Variants in NTM observed in about 807,000 individuals in gnomAD.
The protein encoded by NTM is IgLON family member 2.
NTM carries 13 observed loss-of-function variants against 42.1 expected under a neutral mutation model. The ratio of observed to expected loss-of-function variants is 0.31; its 90% CI spans 0.20 to 0.49. The LOEUF is 0.49. NTM is among the 20% of genes least tolerant of loss of function. The pLI is 0.99. For synonymous variants in NTM, 187 were observed against 179.2 expected (o/e 1.04, Z -0.35); for missense variants, 373 against 452.8 (o/e 0.82, Z 1.60).
At chr11:132,256,452 C>A (rs1202241361) in intron 4 of NTM, among the ~76,000 whole-genome samples, 1 of 152,176 alleles carries the variant, frequency 6.6e-6, no homozygotes, top group African/African-American at 2.4e-5. Context: ...GCAATGGATA[C>A]ACTTTCCTCT....
In NTM at chr11:131,889,797, A is replaced by G. The variant is rs1592599121; in HGVS notation, c.83-21767A>G. ...AGGAAAGTACAGGAACCCAAGAGGC[A>G]TGGAGCACTGTAGCGCCCCTCTTTT... On this transcript the variant is annotated intron_variant, in intron 1 of 8. Transcript: ENST00000683400. Among the ~76,000 whole-genome samples, 4 of 152,278 alleles carry G rather than the reference A, an allele frequency of 2.6e-5. No individual in the cohort carries two copies. The South Asian group carries it at 8.3e-4, about 32-fold the overall frequency.
chr11:132,088,255 C>T (rs1793625), intron 2 of NTM, among the ~76,000 whole-genome samples: 2 of 152,132 alleles, frequency 1.3e-5, no homozygotes, highest in Non-Finnish European at 2.9e-5. Flanking sequence ...GGGTGGGGGA[C>T]GTGGGGCAGC....
intron 2 of NTM, among the ~76,000 whole-genome samples, chr11:131,952,058 T>C (rs560989): frequency 0.29 from 43,576 of 151,848 alleles, 6,456 homozygotes; most frequent in East Asian, 0.49. Context: ...CACTTTTTTT[T>C]CCTCTGTGTC....
At chr11:131,496,314 A>T (rs1448417394) in intron 1 of NTM, among the ~76,000 whole-genome samples, 1 of 152,220 alleles carries the variant, frequency 6.6e-6, no homozygotes, top group African/African-American at 2.4e-5. Flanking sequence ...GCTGGAGTTC[A>T]GCCCCATGTC....
intron 2 of NTM, among the ~76,000 whole-genome samples, chr11:132,079,740 A>G (rs1255495851): frequency 6.6e-6 from 1 of 152,168 alleles, no homozygotes; most frequent in Non-Finnish European, 1.5e-5. Context: ...AATGTTCTGG[A>G]TGGGGTCTGT....
At chr11:131,785,185 G>A (rs944227070) in intron 1 of NTM, among the ~76,000 whole-genome samples, 3 of 152,126 alleles carry the variant, frequency 2.0e-5, no homozygotes, top group African/African-American at 4.8e-5. Context: ...AAGCTGACCC[G>A]TACAGCTTCT....
intron 2 of NTM, among the ~76,000 whole-genome samples, chr11:132,035,470 A>G (rs1337183905): frequency 6.6e-6 from 1 of 152,240 alleles, no homozygotes; most frequent in Non-Finnish European, 1.5e-5. Context: ...GAATTTCTTA[A>G]TGCCTCTGCA....
intron 3 of NTM, among the ~76,000 whole-genome samples, chr11:132,166,022 A>T (rs555895356): frequency 1.4e-4 from 21 of 152,244 alleles, no homozygotes; most frequent in African/African-American, 4.8e-4. Context: ...AATTACTCTC[A>T]GTGTTGAAAA....
chr11:131,539,885 C>T (rs533661781), intron 1 of NTM, among the ~76,000 whole-genome samples: 118 of 152,256 alleles, frequency 7.8e-4, no homozygotes, highest in African/African-American at 2.1e-3. Flanking sequence ...GACCTCATCT[C>T]CATGGGAAAA....
At chr11:132,150,310 C>T (rs1174206166) in intron 3 of NTM, among the ~76,000 whole-genome samples, 1 of 152,148 alleles carries the variant, frequency 6.6e-6, no homozygotes, top group African/African-American at 2.4e-5. Flanking sequence ...TCCCATTAGG[C>T]CCCCACCTCC....
chr11:131,395,115 C>G (rs1215021437), intron 1 of NTM, among the ~76,000 whole-genome samples: 1 of 152,150 alleles, frequency 6.6e-6, no homozygotes, highest in Non-Finnish European at 1.5e-5. Context: ...CCCCTGCCAG[C>G]ACCTCTCAGT....
chr11:131,786,372 T>G (rs536155483), intron 1 of NTM, among the ~76,000 whole-genome samples: 11 of 152,338 alleles, frequency 7.2e-5, no homozygotes, highest in Middle Eastern at 3.4e-3. Context: ...TTTACCATGT[T>G]TACGCTCATG....
intron 2 of NTM, among the ~76,000 whole-genome samples, chr11:131,915,851 C>T (rs750711387): frequency 6.6e-6 from 1 of 152,186 alleles, no homozygotes; most frequent in Non-Finnish European, 1.5e-5. Context: ...GGGAAAACTG[C>T]CCCGATGATT....
At chr11:131,533,929 AC>A in intron 1 of NTM, 1 of 152,184 alleles carries the variant, frequency 6.6e-6, no homozygotes, top group Non-Finnish European at 1.5e-5. Context: ...AGTCTTCCCC[AC>A]CCAGGGAGGG....
chr11:132,177,941 T>C (rs2077046032), intron 3 of NTM, among the ~76,000 whole-genome samples: 1 of 152,252 alleles, frequency 6.6e-6, no homozygotes, highest in East Asian at 1.9e-4. Context: ...TTATTCACTG[T>C]TGATTATAAA....
intron 1 of NTM, among the ~76,000 whole-genome samples, chr11:131,671,925 G>A (rs940259521): frequency 1.3e-5 from 2 of 152,152 alleles, no homozygotes; most frequent in African/African-American, 2.4e-5. Flanking sequence ...GGGACAAAGA[G>A]GCCTCTGTCC....
At chr11:131,955,132 G>C (rs1388136896) in intron 2 of NTM, among the ~76,000 whole-genome samples, 1 of 152,096 alleles carries the variant, frequency 6.6e-6, no homozygotes, top group Non-Finnish European at 1.5e-5. Flanking sequence ...CTGTCAAATT[G>C]CCCTTCAGGA....
intron 1 of NTM, among the ~76,000 whole-genome samples, chr11:131,529,742 C>T (rs1005220483): frequency 3.6e-4 from 55 of 152,274 alleles, no homozygotes; most frequent in Non-Finnish European, 6.2e-4. Context: ...CCTGGAGTGA[C>T]GCCCACCTAC....
intron 2 of NTM, among the ~76,000 whole-genome samples, chr11:131,993,862 G>A (rs1020579412): frequency 6.6e-6 from 1 of 151,922 alleles, no homozygotes; most frequent in African/African-American, 2.4e-5. Flanking sequence ...AATTAGCTGG[G>A]TGCGGTGGTG....
Sources: allele counts gnomAD v4.1 joint callset (sites outside exome capture counted in the v4.1 genomes callset), GRCh38; gene constraint gnomAD v4.1.1; transcripts MANE v1.5; gene names NCBI Gene and HGNC (gene_info 2026-07-23, HGNC 2026-07-21).